PARD3B: variants seen among roughly 807,000 people sequenced by gnomAD.
PARD3B encodes par-3 family cell polarity regulator beta.
PARD3B carries 103 observed loss-of-function variants against 130.2 expected under a neutral mutation model. That is an observed-to-expected ratio of 0.79 (90% CI 0.67 to 0.93). The LOEUF is 0.93. Ranked by LOEUF, PARD3B falls within the 40% of genes least tolerant of loss-of-function variation. The pLI, the probability that PARD3B is intolerant of heterozygous loss-of-function variation, is 0.00. For synonymous variants in PARD3B, 583 were observed against 553.2 expected (o/e 1.05, Z -0.76); for missense variants, 1,609 against 1,499.2 (o/e 1.07, Z -1.21).
At chr2:205,196,421 T>C (rs902991792) in intron 15 of PARD3B, among the ~76,000 whole-genome samples, 3 of 152,142 alleles carry the variant, frequency 2.0e-5, no homozygotes, top group African/African-American at 4.8e-5. Flanking sequence ...AATTTTGTCC[T>C]CTTTCATTTA....
In PARD3B at chr2:205,182,469, A is replaced by G. The variant is rs1170417865; in HGVS notation, c.1925-3295A>G. 1.3e-5 allele frequency among the ~76,000 whole-genome samples: 2 copies of G among 152,130 alleles called. 1 individual carries two copies. Among genetic ancestry groups the G allele is most frequent in the African/African-American group, 4.8e-5 (2 of 41,446 alleles). On this transcript the variant is annotated intron_variant, in intron 13 of 22. Transcript: ENST00000406610. Reference sequence around the variant, plus strand: ...ATGAGTGTAATAAAAATTAAATTTAATGATTGTAATAAAACTAGCTAGAGA... The same window carrying G: ...ATGAGTGTAATAAAAATTAAATTTAGTGATTGTAATAAAACTAGCTAGAGA...
chr2:205,304,008 C>T (rs1349683650), intron 18 of PARD3B, among the ~76,000 whole-genome samples: 1 of 152,160 alleles, frequency 6.6e-6, no homozygotes, highest in African/African-American at 2.4e-5. Context: ...CTTATGAAAC[C>T]CTTAGGAGAT....
intron 3 of PARD3B, among the ~76,000 whole-genome samples, chr2:205,045,484 G>C (rs562848948): frequency 3.7e-4 from 57 of 152,086 alleles, no homozygotes; most frequent in African/African-American, 1.2e-3. Flanking sequence ...CTGACCTCCA[G>C]TGATCCACTT....
intron 18 of PARD3B, among the ~76,000 whole-genome samples, chr2:205,354,386 C>T (rs934878637): frequency 1.3e-5 from 2 of 151,672 alleles, no homozygotes; most frequent in Non-Finnish European, 1.5e-5. Flanking sequence ...GTGCAGCACA[C>T]CAACATGGCA....
intron 20 of PARD3B, among the ~76,000 whole-genome samples, chr2:205,476,993 A>G (rs2049044375): frequency 6.6e-6 from 1 of 152,188 alleles, no homozygotes; most frequent in Non-Finnish European, 1.5e-5. Flanking sequence ...ATCTATTTAT[A>G]TTTGTGGGTA....
intron 2 of PARD3B, among the ~76,000 whole-genome samples, chr2:204,789,121 A>G (rs79367996): frequency 0.083 from 12,661 of 152,198 alleles, 653 homozygotes; most frequent in African/African-American, 0.14. Flanking sequence ...AAGTGGTGCA[A>G]TCATAGCTCA....
intron 10 of PARD3B, among the ~76,000 whole-genome samples, chr2:205,133,024 A>G (rs540353812): frequency 1.3e-5 from 2 of 152,164 alleles, no homozygotes; most frequent in African/African-American, 2.4e-5. Flanking sequence ...TCTAGTCTGC[A>G]TTCAGTATAT....
intron 4 of PARD3B, among the ~76,000 whole-genome samples, chr2:205,052,421 A>G (rs1032452448): frequency 0.036 from 417 of 11,642 alleles, 4 homozygotes; most frequent in African/African-American, 0.075. Context: ...ATATATATGT[A>G]TATATATATA....
chr2:204,855,766 G>A (rs2044909104), intron 2 of PARD3B, among the ~76,000 whole-genome samples: 1 of 151,738 alleles, frequency 6.6e-6, no homozygotes, highest in Non-Finnish European at 1.5e-5. Context: ...TGTGAGATTG[G>A]CTTCTTTAGA....
At position 205,125,644 on chromosome 2, in the gene PARD3B, A is replaced by C. The variant is rs2125631986; in HGVS notation, c.1341A>C (p.Glu447Asp). ...GAGATGTCACCGGACGAACCCAGGA[A>C]GAGCTTGTGGCCATGCTCAGGAGCA... ...NGRDVTGRTQ[E>D]ELVAMLRSTK... The change falls in exon 10 of 23, where the codon GAA becomes GAC. Residue 447 changes from glutamate (E) to aspartate (D), a missense_variant. By Grantham distance (45) the Glu-to-Asp change is conservative. Transcript: ENST00000406610. This position sits in a 1 kb window ranked among gnomAD's most constrained non-coding sequence, Gnocchi z 4.0. The C allele has an allele frequency of 6.2e-7, 1 of 1,614,098 alleles. No homozygotes were observed. The highest frequency in any genetic ancestry group is 8.5e-7 in the Non-Finnish European group (1 of 1,179,970).
At chr2:204,982,007 A>G (rs188439991) in intron 3 of PARD3B, among the ~76,000 whole-genome samples, 10 of 152,316 alleles carry the variant, frequency 6.6e-5, no homozygotes, top group African/African-American at 2.2e-4. Context: ...ATATATGTAT[A>G]TAAATCTTGG....
intron 19 of PARD3B, among the ~76,000 whole-genome samples, chr2:205,428,790 G>T (rs2106119706): frequency 6.6e-6 from 1 of 152,138 alleles, no homozygotes; most frequent in East Asian, 1.9e-4. Flanking sequence ...AAACATATGG[G>T]CTTTTTTTCC....
chr2:205,422,422 T>TAG (rs1366653724), intron 19 of PARD3B, among the ~76,000 whole-genome samples: 1 of 152,176 alleles, frequency 6.6e-6, no homozygotes, highest in Non-Finnish European at 1.5e-5. Flanking sequence ...TTTAAGAGAT[T>TAG]GTCTGGGCTG....
intron 4 of PARD3B, among the ~76,000 whole-genome samples, chr2:205,061,704 G>A (rs1034547017): frequency 2.6e-5 from 4 of 151,694 alleles, no homozygotes; most frequent in Non-Finnish European, 4.4e-5. Flanking sequence ...TTAGCACACA[G>A]CTAGCAAAAA....
At chr2:205,383,470 C>A (rs576281385) in intron 18 of PARD3B, among the ~76,000 whole-genome samples, 54 of 151,936 alleles carry the variant, frequency 3.6e-4, no homozygotes, top group Non-Finnish European at 6.6e-4. Context: ...TCTCAAAATA[C>A]GGTTTTCTAA....
At chr2:204,571,536 C>T (rs956302028) in intron 1 of PARD3B, among the ~76,000 whole-genome samples, 3 of 152,112 alleles carry the variant, frequency 2.0e-5, no homozygotes, top group Non-Finnish European at 4.4e-5. Context: ...ATAATAATTC[C>T]CTTCCCATAA....
At chr2:204,547,413 G>A (rs2030068114) in intron 1 of PARD3B, among the ~76,000 whole-genome samples, 2 of 152,124 alleles carry the variant, frequency 1.3e-5, no homozygotes, top group South Asian at 4.1e-4. Context: ...GAATTGAGGT[G>A]GAGGAGGGAA....
In PARD3B at chr2:205,300,728, T is replaced by C. The variant is rs758419049; in HGVS notation, c.2384T>C (p.Ile795Thr). 4.3e-6 allele frequency: 7 copies of C among 1,609,786 alleles called. No individual in the cohort carries two copies. Among genetic ancestry groups the C allele is most frequent in the African/African-American group, 4.0e-5 (3 of 74,998 alleles). The change falls in exon 17 of 23, where the codon ATA becomes ACA. Residue 795 changes from isoleucine (I) to threonine (T), a missense_variant. Ile to Thr is a moderately conservative substitution (Grantham distance 89). Transcript: ENST00000406610. This position sits in a 1 kb window ranked among gnomAD's most constrained non-coding sequence, Gnocchi z 4.1. ...AAATCCTACGATGGACCTGAAGAAA[T>C]AGAAGCTGGTAGGATGATATGCTTC... ...IDKSYDGPEE[I>T]EADGLSDKSS...
intron 15 of PARD3B, among the ~76,000 whole-genome samples, chr2:205,240,183 T>A (rs1000796790): frequency 6.6e-6 from 1 of 152,182 alleles, no homozygotes; most frequent in East Asian, 1.9e-4. Context: ...TGGAAATCAA[T>A]CAGTGGCACA....
Sources: allele counts gnomAD v4.1 joint callset (sites outside exome capture counted in the v4.1 genomes callset), GRCh38; gene constraint gnomAD v4.1.1; non-coding constraint Gnocchi (gnomAD v3.1); transcripts MANE v1.5; gene names NCBI Gene and HGNC (gene_info 2026-07-23, HGNC 2026-07-21).